KCNT2: variants seen among roughly 807,000 people sequenced by gnomAD.
KCNT2 encodes potassium sodium-activated channel subfamily T member 2, also known as potassium channel subfamily T member 2.
Under a neutral mutation model 153.8 loss-of-function variants are expected in KCNT2, and 67 were observed. The observed-to-expected ratio is 0.44, with a 90% CI of 0.36 to 0.53. KCNT2 has a LOEUF of 0.53. Among genes scored for constraint, KCNT2 ranks in the 20% least tolerant of loss-of-function variants. The pLI is 0.00. For synonymous variants in KCNT2, 500 were observed against 458.8 expected, an observed-to-expected ratio of 1.09 and a Z score of -1.15; for missense variants, 975 against 1,354.8, an observed-to-expected ratio of 0.72 and a Z score of 4.40.
At chr1:196,470,226 G>C (rs906685547) in intron 5 of KCNT2, among the ~76,000 whole-genome samples, 1 of 152,076 alleles carries the variant, frequency 6.6e-6, no homozygotes, top group Non-Finnish European at 1.5e-5. Flanking sequence ...AAGTGAAAAG[G>C]GCTCCAGGGA....
At chr1:196,404,396 C>T (rs1263053670) in intron 12 of KCNT2, among the ~76,000 whole-genome samples, 3 of 151,644 alleles carry the variant, frequency 2.0e-5, no homozygotes, top group Non-Finnish European at 3.0e-5. Flanking sequence ...ACAGTGGTTT[C>T]GTTTCTTTTG....
At chr1:196,288,120 A>G (rs1489635742) in intron 22 of KCNT2, among the ~76,000 whole-genome samples, 1 of 147,910 alleles carries the variant, frequency 6.8e-6, no homozygotes, top group Non-Finnish European at 1.5e-5. Flanking sequence ...TCTCTAGTGG[A>G]AGTAAAAAAA....
In KCNT2 at chr1:196,367,428, G is replaced by A. The variant is rs138114103; in HGVS notation, c.1403+5712C>T. On this transcript the variant is annotated intron_variant, in intron 14 of 27. Coordinates refer to ENST00000294725, the MANE Select transcript of KCNT2 (RefSeq NM_198503.5). ...CTAAGATCCTTTGATTTACCATTTC[G>A]TTCGTATGATATTTAATCTAATGAT... Among the ~76,000 whole-genome samples the A allele has an allele frequency of 1.1e-3, 167 of 151,920 alleles. 2 individuals are homozygous for A. The East Asian group carries it at 0.029, about 26-fold the overall frequency.
intron 1 of KCNT2, among the ~76,000 whole-genome samples, chr1:196,503,972 T>C (rs1422769476): frequency 6.6e-6 from 1 of 152,210 alleles, no homozygotes; most frequent in Non-Finnish European, 1.5e-5. Context: ...AATAGGCAAA[T>C]TGTATAGCGT....
chr1:196,396,725 T>A (rs887045781), intron 13 of KCNT2, among the ~76,000 whole-genome samples: 3 of 151,620 alleles, frequency 2.0e-5, no homozygotes, highest in Non-Finnish European at 4.4e-5. Context: ...ATGAGAAATA[T>A]TGAGATAAAT....
chr1:196,568,944 A>G (rs1189973049), intron 1 of KCNT2, among the ~76,000 whole-genome samples: 2 of 152,166 alleles, frequency 1.3e-5, no homozygotes. Context: ...CTCTCTTGTG[A>G]TAACTTTCTG....
chr1:196,249,793 G>GTATT (rs943612264), intron 26 of KCNT2, among the ~76,000 whole-genome samples: 8 of 151,336 alleles, frequency 5.3e-5, no homozygotes, highest in Non-Finnish European at 1.2e-4. Context: ...AAAAAAGTTA[G>GTATT]TATTTTTATA....
chr1:196,340,596 G>A, intron 15 of KCNT2, 26 bp from the exon 16 acceptor site: 1 of 1,364,772 alleles, frequency 7.3e-7, no homozygotes, highest in African/African-American at 1.5e-5. Context: ...AAGAGAGTTT[G>A]TAAGAAAATT....
chr1:196,335,571 G>A (rs972649382), intron 16 of KCNT2, among the ~76,000 whole-genome samples: 1 of 152,100 alleles, frequency 6.6e-6, no homozygotes, highest in African/African-American at 2.4e-5. Context: ...CATTGTATAT[G>A]CTATCCATCA....
At chr1:196,348,903 C>A (rs771312235) in intron 14 of KCNT2, among the ~76,000 whole-genome samples, 1 of 151,670 alleles carries the variant, frequency 6.6e-6, no homozygotes, top group African/African-American at 2.4e-5. Context: ...AATGCCTGGG[C>A]GTGGTGGTGC....
At chr1:196,237,438 A>G (rs1347686691) in intron 26 of KCNT2, among the ~76,000 whole-genome samples, 1 of 151,760 alleles carries the variant, frequency 6.6e-6, no homozygotes, top group Non-Finnish European at 1.5e-5. Context: ...CAAATTCATA[A>G]TCAAATAAAT....
chr1:196,506,651 T>A (rs1014902274), intron 1 of KCNT2, among the ~76,000 whole-genome samples: 2 of 152,158 alleles, frequency 1.3e-5, no homozygotes, highest in African/African-American at 4.8e-5. Context: ...AAGATCTGCC[T>A]AATACCACAA....
intron 12 of KCNT2, among the ~76,000 whole-genome samples, chr1:196,415,737 C>T (rs896177976): frequency 2.4e-4 from 37 of 151,854 alleles, no homozygotes; most frequent in African/African-American, 8.7e-4. Context: ...AGCAGAGATA[C>T]TGTACCACTC....
intron 21 of KCNT2, among the ~76,000 whole-genome samples, chr1:196,314,409 A>G (rs1471638523): frequency 1.3e-5 from 2 of 151,592 alleles, no homozygotes; most frequent in Non-Finnish European, 3.0e-5. Flanking sequence ...AAATTTATAT[A>G]TCTGTAATAT....
chr1:196,386,302 C>T (rs543406570), intron 13 of KCNT2, among the ~76,000 whole-genome samples: 5 of 152,236 alleles, frequency 3.3e-5, no homozygotes, highest in African/African-American at 1.2e-4. Flanking sequence ...AAATTCCTGA[C>T]CCACAGAAAC....
chr1:196,298,683 C>T (rs914546599), intron 22 of KCNT2, among the ~76,000 whole-genome samples: 3 of 151,478 alleles, frequency 2.0e-5, no homozygotes, highest in Admixed American at 6.6e-5. Context: ...CCTCTGCCCT[C>T]CTTGGAGTTG....
chr1:196,446,905 T>C (rs2148606110), intron 8 of KCNT2, among the ~76,000 whole-genome samples: 1 of 151,716 alleles, frequency 6.6e-6, no homozygotes, highest in Admixed American at 6.6e-5. Context: ...TCACTCTTTT[T>C]ACTACCACCT....
intron 12 of KCNT2, among the ~76,000 whole-genome samples, chr1:196,405,899 C>T (rs1671790045): frequency 6.6e-6 from 1 of 151,466 alleles, no homozygotes; most frequent in Non-Finnish European, 1.5e-5. Context: ...AAACTAATCA[C>T]AAACACTTAT....
At chr1:196,254,901 G>C (rs1656323081) in intron 26 of KCNT2, among the ~76,000 whole-genome samples, 1 of 151,534 alleles carries the variant, frequency 6.6e-6, no homozygotes, top group African/African-American at 2.4e-5. Flanking sequence ...CCTAGACACT[G>C]TTAGTTATCT....
Sources: gnomAD v4.1 joint callset for allele counts (sites outside exome capture counted in the v4.1 genomes callset) on GRCh38, gnomAD v4.1.1 for gene constraint, MANE v1.5 for transcripts, NCBI Gene and HGNC (gene_info 2026-07-23, HGNC 2026-07-21) for gene names.